Variants in DDX60L observed in about 807,000 individuals in gnomAD.
DDX60L encodes the protein DExD/H-box 60 like, also known as probable ATP-dependent RNA helicase DDX60-like.
In DDX60L, 191 loss-of-function variants were observed where a neutral mutation model predicts 211.6. The ratio of observed to expected loss-of-function variants is 0.90; its 90% CI spans 0.80 to 1.02. DDX60L has a LOEUF of 1.02. Among genes scored for constraint, DDX60L ranks in the 50% least tolerant of loss-of-function variants. The pLI is 0.00. For missense variants in DDX60L, 2,007 were observed against 1,984.1 expected, an observed-to-expected ratio of 1.01 and a Z score of -0.22; for synonymous variants, 706 against 694.1, an observed-to-expected ratio of 1.02 and a Z score of -0.27.
intron 5 of DDX60L, among the ~76,000 whole-genome samples, chr4:168,459,678 C>T (rs1233004060): frequency 6.6e-6 from 1 of 151,608 alleles, no homozygotes; most frequent in Non-Finnish European, 1.5e-5. Context: ...ATTGCTTGAA[C>T]CAAGGAGGCG....
At chr4:168,477,052 C>T (rs1402403388) in intron 1 of DDX60L, among the ~76,000 whole-genome samples, 1 of 152,164 alleles carries the variant, frequency 6.6e-6, no homozygotes, top group African/African-American at 2.4e-5. Flanking sequence ...TTGTGTAATG[C>T]CACTGAAATT....
At chr4:168,429,432 G>C (rs1292255571) in intron 13 of DDX60L, among the ~76,000 whole-genome samples, 3 of 152,166 alleles carry the variant, frequency 2.0e-5, no homozygotes, top group Non-Finnish European at 2.9e-5. Flanking sequence ...TTACAGGTGT[G>C]AGCCACTGCA....
Position 168,447,625 on chromosome 4 carries a change from C to G in DDX60L, c.1138+1013G>C, listed in dbSNP as rs528021637. The stretch of plus-strand genomic sequence containing the variant: ...CACAATAGCAAAGACTTGGAACCAA[C>G]CCAAATGTCCAACAATGATAGACTG... On this transcript the variant is annotated intron_variant, in intron 9 of 37. Coordinates refer to ENST00000682922, the MANE Select transcript of DDX60L (RefSeq NM_001012967.3). Among the ~76,000 whole-genome samples the G allele has an allele frequency of 2.0e-4, 31 of 151,914 alleles. 2 individuals are homozygous for G. In the South Asian group the frequency reaches 6.2e-3, roughly 31 times the overall value.
At chr4:168,403,949 TA>T in intron 25 of DDX60L, 32 bp downstream of exon 25, 1 of 1,340,634 alleles carries the variant, frequency 7.5e-7, no homozygotes, top group Non-Finnish European at 1.0e-6. Flanking sequence ...TTCTCACATA[TA>T]AACAAAGATA....
intron 30 of DDX60L, among the ~76,000 whole-genome samples, chr4:168,384,094 A>G (rs1743433616): frequency 1.3e-5 from 2 of 152,160 alleles, no homozygotes. Flanking sequence ...TCAGACTCCA[A>G]GTTCTTTCAT....
At chr4:168,383,794 C>T (rs1489228) in intron 30 of DDX60L, among the ~76,000 whole-genome samples, 128,572 of 152,132 alleles carry the variant, frequency 0.85, 56,520 homozygotes, top group East Asian at 1. Context: ...TCTCAACATT[C>T]TGGGAGGCCA....
At chr4:168,392,273 ACT>A (rs1168173425) in intron 28 of DDX60L, among the ~76,000 whole-genome samples, 1 of 152,210 alleles carries the variant, frequency 6.6e-6, no homozygotes, top group Non-Finnish European at 1.5e-5. Flanking sequence ...CTTCTTATTT[ACT>A]CTCTTAATAT....
intron 37 of DDX60L, among the ~76,000 whole-genome samples, chr4:168,359,142 T>C (rs1370775208): frequency 6.6e-6 from 1 of 152,192 alleles, no homozygotes; most frequent in Non-Finnish European, 1.5e-5. Flanking sequence ...CATTTTGCCA[T>C]CCTTTTCGTT....
At chr4:168,375,197 A>G (rs1741736115) in intron 34 of DDX60L, among the ~76,000 whole-genome samples, 180 bp downstream of exon 34, 1 of 152,124 alleles carries the variant, frequency 6.6e-6, no homozygotes, top group African/African-American at 2.4e-5. Context: ...TGGAAAACAG[A>G]GCCATTATCA....
At chr4:168,392,592 T>C (rs938102951) in intron 28 of DDX60L, among the ~76,000 whole-genome samples, 8 of 151,948 alleles carry the variant, frequency 5.3e-5, no homozygotes, top group African/African-American at 1.7e-4. Context: ...GCCTGTAACT[T>C]CAGCACTTTG....
intron 10 of DDX60L, among the ~76,000 whole-genome samples, chr4:168,435,669 G>A (rs1752939218): frequency 6.6e-6 from 1 of 152,056 alleles, no homozygotes; most frequent in Non-Finnish European, 1.5e-5. Flanking sequence ...CTTTCAGCTG[G>A]AAAGGCCAGA....
At chr4:168,429,902 A>G (rs991389037) in intron 13 of DDX60L, among the ~76,000 whole-genome samples, 2 of 152,184 alleles carry the variant, frequency 1.3e-5, no homozygotes, top group South Asian at 2.1e-4. Flanking sequence ...TATCATGATT[A>G]TAAGTTCCCT....
At chr4:168,363,213 T>C (rs549553500) in intron 36 of DDX60L, among the ~76,000 whole-genome samples, 1 of 152,228 alleles carries the variant, frequency 6.6e-6, no homozygotes, top group South Asian at 2.1e-4. Context: ...AGGAAAGCTA[T>C]CCTTCAGAAA....
chr4:168,379,734 T>C lies in DDX60L; in HGVS notation c.4213A>G (p.Ile1405Val), dbSNP rs1742605439. The change falls in exon 31 of 38, where the codon ATC becomes GTC. Residue 1405 changes from isoleucine to valine, a missense_variant. Transcript: ENST00000682922. Reference sequence around the variant, plus strand: ...CCAAAGCACGATGATACCTCTTTGATAAGGAGCTGCAAGGAAAACAAAAAG... The same window carrying C: ...CCAAAGCACGATGATACCTCTTTGACAAGGAGCTGCAAGGAAAACAAAAAG... ...LYFLFSLQLL[I>V]KEDYLNKKGN... 1.2e-6 allele frequency: 2 copies of C among 1,612,334 alleles called. No individual in the cohort carries two copies. Among genetic ancestry groups the C allele is most frequent in the Non-Finnish European group, 1.7e-6 (2 of 1,178,848 alleles).
intron 35 of DDX60L, among the ~76,000 whole-genome samples, chr4:168,373,033 CA>C (rs1436952180): frequency 6.6e-6 from 1 of 152,022 alleles, no homozygotes; most frequent in Non-Finnish European, 1.5e-5. Flanking sequence ...GATATCAACC[CA>C]AACTGTGCAA....
At chr4:168,423,824 G>A in intron 14 of DDX60L, 50 bp from the exon 15 acceptor site, 1 of 1,220,194 alleles carries the variant, frequency 8.2e-7, no homozygotes, top group Non-Finnish European at 1.1e-6. Flanking sequence ...AAAATAACTG[G>A]TTGATCACTT....
chr4:168,447,235 A>C (rs1293730994), intron 9 of DDX60L, among the ~76,000 whole-genome samples: 1 of 151,764 alleles, frequency 6.6e-6, no homozygotes, highest in Non-Finnish European at 1.5e-5. Flanking sequence ...ATGAACAGAC[A>C]CTTCTCAAAA....
At chr4:168,393,036 A>G (rs2149731079) in intron 28 of DDX60L, among the ~76,000 whole-genome samples, 1 of 152,258 alleles carries the variant, frequency 6.6e-6, no homozygotes, top group Non-Finnish European at 1.5e-5. Context: ...ACCTTTGCCC[A>G]TAATTAATAA....
In DDX60L at chr4:168,394,538, C is replaced by A. The variant is rs756514461; in HGVS notation, c.3737G>T (p.Gly1246Val). ...ELKALAQRGI[G>V]YHHSSMYFKE... ...AAAATACATGCTGCTGTGATGATAT[C>A]CAATCCCCCTTTGTGCTAAAGCCTT... Residue 1246 changes from glycine to valine, a missense_variant, in exon 28 of 38, where the codon GGA (glycine) becomes GTA (valine). Physicochemically the swap from Gly to Val is moderately radical, Grantham distance 109 (BLOSUM62 -3). Transcript: ENST00000682922. 2 of 1,613,644 alleles carry A rather than the reference C, an allele frequency of 1.2e-6. No individual in the cohort carries two copies. Among genetic ancestry groups the A allele is most frequent in the Non-Finnish European group, 1.7e-6 (2 of 1,179,636 alleles).
Sources: allele counts gnomAD v4.1 joint callset (sites outside exome capture counted in the v4.1 genomes callset), GRCh38; gene constraint gnomAD v4.1.1; transcripts MANE v1.5; gene names NCBI Gene and HGNC (gene_info 2026-07-23, HGNC 2026-07-21).